EPHA6: variants seen among roughly 807,000 people sequenced by gnomAD.
EPHA6 encodes EPH receptor A6.
A neutral mutation model predicts 112.0 loss-of-function variants in EPHA6; 50 were observed. That is an observed-to-expected ratio of 0.45 (90% CI 0.36 to 0.56). EPHA6 has a LOEUF of 0.56. Ranked by LOEUF, EPHA6 falls within the 20% of genes least tolerant of loss-of-function variation. The pLI is 0.00. For synonymous variants in EPHA6, 529 were observed against 490.7 expected (o/e 1.08, Z -1.03); for missense variants, 1,280 against 1,417.4 (o/e 0.90, Z 1.56).
intron 10 of EPHA6, among the ~76,000 whole-genome samples, chr3:97,510,338 C>T (rs1170241320): frequency 6.6e-6 from 1 of 152,158 alleles, no homozygotes; most frequent in Non-Finnish European, 1.5e-5. Flanking sequence ...TACCTTTGGT[C>T]TTTGATGTTG....
chr3:96,821,979 GA>G (rs2033293813), intron 1 of EPHA6, among the ~76,000 whole-genome samples: 1 of 151,698 alleles, frequency 6.6e-6, no homozygotes, highest in African/African-American at 2.4e-5. Context: ...ATAAGATGAA[GA>G]ATTTTACAGT....
chr3:96,874,152 G>A (rs1018816621), intron 2 of EPHA6, among the ~76,000 whole-genome samples: 2 of 152,236 alleles, frequency 1.3e-5, no homozygotes, highest in Admixed American at 1.3e-4. Context: ...CTGACCAAGA[G>A]CAGACTTAAT....
chr3:97,264,857 T>C (rs980101258), intron 5 of EPHA6, among the ~76,000 whole-genome samples: 3 of 152,134 alleles, frequency 2.0e-5, no homozygotes, highest in Non-Finnish European at 4.4e-5. Context: ...TGAACATTCA[T>C]TGGGACACCC....
chr3:97,299,237 G>A (rs968149652), intron 5 of EPHA6, among the ~76,000 whole-genome samples: 1 of 150,616 alleles, frequency 6.6e-6, no homozygotes. Context: ...GTGTGTGTGT[G>A]TAGTGGGGAG....
intron 1 of EPHA6, among the ~76,000 whole-genome samples, chr3:96,826,455 C>A (rs2107248063): frequency 6.6e-6 from 1 of 152,096 alleles, no homozygotes; most frequent in South Asian, 2.1e-4. Context: ...GGGAAAACCA[C>A]CAGTTTCCTC....
At chr3:96,878,310 TAG>T (rs775621350) in intron 2 of EPHA6, among the ~76,000 whole-genome samples, 5 of 148,068 alleles carry the variant, frequency 3.4e-5, no homozygotes, top group Admixed American at 1.4e-4. Context: ...GCCTGGAAAA[TAG>T]AGAGAGAGAG....
chr3:97,612,261 A>G (rs1041030485), intron 13 of EPHA6: 11 of 267,402 alleles, frequency 4.1e-5, no homozygotes, highest in South Asian at 1.2e-4. Context: ...ATGTCCTTCC[A>G]TTATGTTTCT....
intron 7 of EPHA6, among the ~76,000 whole-genome samples, chr3:97,469,457 T>A (rs2091158284): frequency 6.6e-6 from 1 of 151,782 alleles, no homozygotes; most frequent in African/African-American, 2.4e-5. Flanking sequence ...CTAGAGAATC[T>A]TTTTTATTTG....
intron 2 of EPHA6, among the ~76,000 whole-genome samples, chr3:96,885,735 T>C (rs1011655652): frequency 1.3e-5 from 2 of 152,166 alleles, no homozygotes; most frequent in African/African-American, 2.4e-5. Context: ...AGTTTTGCCC[T>C]GATCTTTGTT....
chr3:96,820,268 A>G (rs1480895693), intron 1 of EPHA6, among the ~76,000 whole-genome samples: 1 of 152,138 alleles, frequency 6.6e-6, no homozygotes, highest in African/African-American at 2.4e-5. Context: ...TATCCTAGAT[A>G]AAGCATGAAT....
At chr3:97,527,372 A>G (rs1212834019) in intron 10 of EPHA6, among the ~76,000 whole-genome samples, 2 of 152,126 alleles carry the variant, frequency 1.3e-5, no homozygotes, top group Non-Finnish European at 2.9e-5. Context: ...CCCCAATCCA[A>G]GGGCTCCCAC....
At chr3:97,208,184 A>G (rs1042405695) in intron 3 of EPHA6, among the ~76,000 whole-genome samples, 30 of 152,254 alleles carry the variant, frequency 2.0e-4, no homozygotes, top group African/African-American at 7.0e-4. Flanking sequence ...TATCCAAACC[A>G]TGCTGAATCG....
intron 14 of EPHA6, among the ~76,000 whole-genome samples, chr3:97,677,586 T>C (rs1419496083): frequency 2.6e-5 from 4 of 152,184 alleles, no homozygotes; most frequent in African/African-American, 9.6e-5. Flanking sequence ...CCAGGCATGG[T>C]GGCAGGCGCC....
At chr3:97,045,864 T>C (rs1377880745) in intron 3 of EPHA6, among the ~76,000 whole-genome samples, 1 of 152,194 alleles carries the variant, frequency 6.6e-6, no homozygotes, top group East Asian at 1.9e-4. Context: ...CGCCATTCTT[T>C]TTTATTTATT....
chr3:97,603,288 T>C (rs2093656823), intron 12 of EPHA6, among the ~76,000 whole-genome samples: 1 of 151,970 alleles, frequency 6.6e-6, no homozygotes, highest in South Asian at 2.1e-4. Flanking sequence ...CTGATGCAGA[T>C]GGCATGCCAC....
rs1051917727 is a variant in EPHA6, at chr3:96,929,734, G to A, written c.451-57596G>A. 9.9e-5 allele frequency among the ~76,000 whole-genome samples: 15 copies of A among 152,036 alleles called. 1 individual carries two copies. Among genetic ancestry groups the A allele is most frequent in the South Asian group, 4.2e-4 (2 of 4,810 alleles). ...CGATCTTCTTGTGGAGTATTTTACT[G>A]GGGTTCTCTTCATTTCCTGAATTTG... On this transcript the variant is annotated intron_variant, in intron 2 of 17. Coordinates refer to ENST00000389672, the MANE Select transcript of EPHA6 (RefSeq NM_001080448.3).
chr3:97,176,780 CT>C (rs1231037766), intron 3 of EPHA6, among the ~76,000 whole-genome samples: 1 of 151,416 alleles, frequency 6.6e-6, no homozygotes, highest in Admixed American at 6.6e-5. Flanking sequence ...TGGATCTTCT[CT>C]TTCTTTCTTA....
chr3:97,525,856 A>G (rs1273279337), intron 10 of EPHA6, among the ~76,000 whole-genome samples: 1 of 152,100 alleles, frequency 6.6e-6, no homozygotes, highest in East Asian at 1.9e-4. Flanking sequence ...ATCTGGGATG[A>G]TGAAGGTCTG....
At chr3:97,458,530 G>T (rs1048863671) in intron 7 of EPHA6, among the ~76,000 whole-genome samples, 4 of 151,884 alleles carry the variant, frequency 2.6e-5, no homozygotes, top group Non-Finnish European at 4.4e-5. Flanking sequence ...TTTATCACAC[G>T]TAAGTGTGTG....
Sources: allele counts gnomAD v4.1 joint callset (sites outside exome capture counted in the v4.1 genomes callset), GRCh38; gene constraint gnomAD v4.1.1; transcripts MANE v1.5; gene names NCBI Gene and HGNC (gene_info 2026-07-23, HGNC 2026-07-21).